The following BMP1 variants were observed in gnomAD, a reference collection of about 807,000 sequenced individuals.
The protein encoded by BMP1 is bone morphogenetic protein 1.
BMP1 carries 63 observed loss-of-function variants against 116.8 expected under a neutral mutation model. The ratio of observed to expected loss-of-function variants is 0.54; its 90% confidence interval spans 0.44 to 0.67. The LOEUF (loss-of-function observed/expected upper bound fraction) is 0.67, where lower values mean the gene tolerates loss of function less well. Ranked by LOEUF, BMP1 falls within the 30% of genes least tolerant of loss-of-function variation. The probability of loss-of-function intolerance (pLI) is 0.00; values close to 1 mark genes in which losing one functional copy is unlikely to be tolerated. For synonymous variants in BMP1, 536 were observed against 533.4 expected, an observed-to-expected ratio of 1.00 and a Z score of -0.07; for missense variants, 1,183 against 1,358.9, an observed-to-expected ratio of 0.87 and a Z score of 2.04.
chr8:22,165,672 C>A, intron 1 of BMP1, 119 bp downstream of exon 1: 1 of 1,126,092 alleles, frequency 8.9e-7, no homozygotes, highest in Non-Finnish European at 1.2e-6. Context: ...GTTGGCAATG[C>A]AGTGGGGAAC....
At chr8:22,187,427 G>A (rs1828805310) in intron 8 of BMP1, among the ~76,000 whole-genome samples, 1 of 150,420 alleles carries the variant, frequency 6.6e-6, no homozygotes, top group African/African-American at 2.5e-5. Flanking sequence ...CGCCTCCCGG[G>A]TTCAGCCATT....
chr8:22,193,093 C>T (rs150841826), intron 9 of BMP1, among the ~76,000 whole-genome samples: 4 of 152,350 alleles, frequency 2.6e-5, no homozygotes, highest in Non-Finnish European at 5.9e-5. Flanking sequence ...CCCTCTGTCC[C>T]TTGCTGAATG....
Position 22,195,559 on chromosome 8 carries a change from G to T in BMP1, c.1737G>T (p.Glu579Asp). The T allele has an allele frequency of 6.2e-7, 1 of 1,612,390 alleles. No homozygotes were observed. The highest frequency in any genetic ancestry group is 8.5e-7 in the Non-Finnish European group (1 of 1,179,738). The change falls in exon 13 of 20, where the codon GAG becomes GAT. Residue 579 changes from glutamate (E) to aspartate (D), a missense_variant. This residue lies in a region of BMP1 where 956 missense variants were observed against 1,135.2 expected (regional missense o/e 0.84). Transcript: ENST00000306385. ...AGTGCAGCTGTGACCCCGGGTACGA[G>T]CTGGCCCCAGACAAGCGCCGCTGTG... The part of the protein sequence containing the change: ...SYKCSCDPGY[E>D]LAPDKRRCEA...
chr8:22,165,399 C>G lies in BMP1; in HGVS notation c.-7C>G, dbSNP rs751847510. The G allele has an allele frequency of 1.5e-5, 22 of 1,470,062 alleles. No homozygotes were observed. The South Asian group carries it at 2.6e-4, about 18-fold the overall frequency. 91.1% of individuals were successfully genotyped at this position (1,470,062 alleles called of 1,614,324 possible). On this transcript the variant is annotated 5_prime_UTR_variant, in exon 1 of 20. Coordinates refer to ENST00000306385, the MANE Select transcript of BMP1 (RefSeq NM_006129.5). ...TGCGCCGCTTCCCTCGCCGCCGCCC[C>G]GCCAGCATGCCCGGCGTGGCCCGCC...
intron 8 of BMP1, among the ~76,000 whole-genome samples, chr8:22,188,407 C>T (rs6995980): frequency 0.081 from 12,271 of 152,034 alleles, 590 homozygotes; most frequent in Admixed American, 0.12. Flanking sequence ...TGAGCTCAAG[C>T]GATCCTTCCG....
chr8:22,178,254 C>T (rs1433795999), intron 6 of BMP1, among the ~76,000 whole-genome samples: 1 of 152,210 alleles, frequency 6.6e-6, no homozygotes, highest in Non-Finnish European at 1.5e-5. Context: ...ACTATCAGCC[C>T]AAAGGGTGCT....
At chr8:22,165,847 T>C (rs1236836654) in intron 1 of BMP1, among the ~76,000 whole-genome samples, 2 of 151,170 alleles carry the variant, frequency 1.3e-5, no homozygotes, top group African/African-American at 4.9e-5. Flanking sequence ...CTTTTCCTTC[T>C]GTAGGAAACT....
chr8:22,204,831 G>A (rs1260599277), intron 16 of BMP1, among the ~76,000 whole-genome samples: 1 of 152,022 alleles, frequency 6.6e-6, no homozygotes, highest in Non-Finnish European at 1.5e-5. Flanking sequence ...TGAGAGTGTG[G>A]CCATAGCGAG....
intron 18 of BMP1, among the ~76,000 whole-genome samples, chr8:22,209,077 G>T (rs755311828): frequency 6.6e-6 from 1 of 152,192 alleles, no homozygotes; most frequent in Non-Finnish European, 1.5e-5. Context: ...CCAGATGTAC[G>T]GCTTCTCTCT....
chr8:22,182,542 T>A (rs1315658591), intron 8 of BMP1, among the ~76,000 whole-genome samples: 2 of 152,220 alleles, frequency 1.3e-5, no homozygotes, highest in Non-Finnish European at 2.9e-5. Context: ...AAATGCTGAA[T>A]ACGTAAGATG....
intron 9 of BMP1, among the ~76,000 whole-genome samples, chr8:22,193,577 A>G (rs1336849480): frequency 5.3e-5 from 8 of 152,218 alleles, no homozygotes; most frequent in Admixed American, 5.2e-4. Flanking sequence ...TGAGGTCAGG[A>G]GTTCGACACC....
intron 9 of BMP1, among the ~76,000 whole-genome samples, chr8:22,193,341 G>A (rs1420535462): frequency 6.6e-6 from 1 of 152,224 alleles, no homozygotes; most frequent in Non-Finnish European, 1.5e-5. Context: ...AATGTGTAAA[G>A]AAAGCCATGT....
intron 8 of BMP1, among the ~76,000 whole-genome samples, chr8:22,181,516 C>G (rs1828620273): frequency 6.6e-6 from 1 of 151,544 alleles, no homozygotes. Context: ...AGGCTCACTA[C>G]TTTTCAGAAT....
intron 18 of BMP1, among the ~76,000 whole-genome samples, chr8:22,208,009 G>A (rs796748655): frequency 4.5e-4 from 68 of 152,060 alleles, no homozygotes; most frequent in African/African-American, 1.5e-3. Context: ...TCAGCCTCCC[G>A]TGTAGCTGGG....
intron 13 of BMP1, chr8:22,196,213 T>C (rs879474152): frequency 5.7e-6 from 3 of 524,350 alleles, no homozygotes; most frequent in Non-Finnish European, 7.6e-6. Context: ...GAAACCCCTG[T>C]TGTGGGACAG....
rs1554488560 is a variant in BMP1, at chr8:22,210,468, T to TCACACACACACACA, written c.2826+781_2826+782insCACACACACACACA. Reference sequence around the variant, plus strand: ...TTCCCTCTCTCTCTCTCTCTCTCTCTCACACACATACACACACACTGGCAC... The same window carrying TCACACACACACACA: ...TTCCCTCTCTCTCTCTCTCTCTCTCTCACACACACACACACACACACATACACACACACTGGCAC... On this transcript the variant is annotated intron_variant, in intron 19 of 19. Transcript: ENST00000306385. Among the ~76,000 whole-genome samples the TCACACACACACACA allele has an allele frequency of 2.1e-4, 28 of 135,558 alleles. 1 individual carries two copies. Among genetic ancestry groups the TCACACACACACACA allele is most frequent in the African/African-American group, 8.0e-4 (27 of 33,812 alleles). The allele number at this position is 135,558 out of a possible 152,430, so 88.9% of individuals were successfully genotyped here.
At chr8:22,201,091 C>T (rs757221526) in intron 15 of BMP1, 1 of 1,603,800 alleles carries the variant, frequency 6.2e-7, no homozygotes, top group African/African-American at 1.3e-5. Context: ...CCCTTGGTCC[C>T]TTTTCTCCTT....
At chr8:22,180,526 G>A in intron 8 of BMP1, 43 bp downstream of exon 8, 2 of 1,559,294 alleles carry the variant, frequency 1.3e-6, no homozygotes, top group Non-Finnish European at 1.8e-6. Context: ...TCCCCTGCGG[G>A]TCCCCATACC....
At chr8:22,190,214 C>T (rs867278788) in intron 8 of BMP1, among the ~76,000 whole-genome samples, 1 of 152,190 alleles carries the variant, frequency 6.6e-6, no homozygotes, top group Non-Finnish European at 1.5e-5. Flanking sequence ...AGTGAACTAC[C>T]GCGCTTGGCC....
Sources: gnomAD v4.1 joint callset for allele counts (sites outside exome capture counted in the v4.1 genomes callset) on GRCh38, gnomAD v4.1.1 for gene constraint, gnomAD v4.1.1 regional missense constraint, MANE v1.5 for transcripts, NCBI Gene and HGNC (gene_info 2026-07-23, HGNC 2026-07-21) for gene names.